TTLL5: variants seen among roughly 807,000 people sequenced by gnomAD.
TTLL5 encodes tubulin tyrosine ligase like 5.
Under a neutral mutation model 168.4 loss-of-function variants are expected in TTLL5, and 132 were observed. The ratio of observed to expected loss-of-function variants is 0.78; its 90% CI spans 0.68 to 0.91. TTLL5 has a LOEUF of 0.91. Among genes scored for constraint, TTLL5 ranks in the 40% least tolerant of loss-of-function variants. TTLL5 has a pLI of 0.00. For synonymous variants in TTLL5, 546 were observed against 558.6 expected (o/e 0.98, Z 0.32); for missense variants, 1,545 against 1,581.5 (o/e 0.98, Z 0.39).
intron 28 of TTLL5, among the ~76,000 whole-genome samples, chr14:75,845,229 G>A (rs1279031916): frequency 1.3e-5 from 2 of 152,086 alleles, no homozygotes; most frequent in African/African-American, 4.8e-5. Flanking sequence ...TTAAAAAAGT[G>A]TACACCTATT....
chr14:75,930,047 G>A (rs1193967061), intron 31 of TTLL5, among the ~76,000 whole-genome samples: 1 of 152,234 alleles, frequency 6.6e-6, no homozygotes, highest in African/African-American at 2.4e-5. Flanking sequence ...GTACAGACTT[G>A]TAACTAGAGT....
intron 28 of TTLL5, among the ~76,000 whole-genome samples, chr14:75,821,536 C>T (rs925576091): frequency 1.3e-5 from 2 of 152,138 alleles, no homozygotes; most frequent in Admixed American, 6.5e-5. Context: ...AGGCATTGCT[C>T]CTACTGTAAA....
intron 27 of TTLL5, among the ~76,000 whole-genome samples, chr14:75,814,322 CGTT>C (rs951813443): frequency 2.6e-5 from 4 of 152,158 alleles, no homozygotes; most frequent in African/African-American, 9.7e-5. Context: ...TGTTGATCAT[CGTT>C]GTATATCAGG....
intron 26 of TTLL5, among the ~76,000 whole-genome samples, chr14:75,784,609 T>C (rs1892258938): frequency 6.6e-6 from 1 of 152,158 alleles, no homozygotes; most frequent in African/African-American, 2.4e-5. Flanking sequence ...ATAGCTAGAG[T>C]GGAATTGTTG....
chr14:75,731,538 A>C (rs1278565717), intron 12 of TTLL5, among the ~76,000 whole-genome samples: 1 of 152,122 alleles, frequency 6.6e-6, no homozygotes, highest in Non-Finnish European at 1.5e-5. Context: ...TCTGGGAAGA[A>C]CACTTGCTTC....
chr14:75,893,556 C>T (rs200833484), intron 30 of TTLL5, among the ~76,000 whole-genome samples: 13 of 152,064 alleles, frequency 8.5e-5, no homozygotes, highest in African/African-American at 3.1e-4. Context: ...CAGTGGCTCA[C>T]GCCTGTAATC....
chr14:75,678,064 A>G (rs1310559594), intron 3 of TTLL5, among the ~76,000 whole-genome samples: 1 of 152,234 alleles, frequency 6.6e-6, no homozygotes, highest in Non-Finnish European at 1.5e-5. Flanking sequence ...AATTGGGTTC[A>G]GTCCTTATTT....
intron 3 of TTLL5, among the ~76,000 whole-genome samples, chr14:75,672,233 T>C (rs1307894026): frequency 6.6e-6 from 1 of 152,150 alleles, no homozygotes; most frequent in African/African-American, 2.4e-5. Context: ...ATTGCTAGTA[T>C]TTTATTTTAT....
chr14:75,886,781 A>G (rs2032147234), intron 30 of TTLL5: 10 of 1,595,360 alleles, frequency 6.3e-6, no homozygotes, highest in Non-Finnish European at 8.5e-6. Flanking sequence ...ACAGCCTACA[A>G]ACAACTACAT....
At chr14:75,803,920 C>T (rs940109921) in intron 27 of TTLL5, among the ~76,000 whole-genome samples, 5 of 152,168 alleles carry the variant, frequency 3.3e-5, no homozygotes, top group Admixed American at 2.0e-4. Context: ...TGGCCCTCTC[C>T]GTGCAGGCAA....
intron 3 of TTLL5, among the ~76,000 whole-genome samples, chr14:75,673,750 A>G (rs913832569): frequency 1.3e-5 from 2 of 152,206 alleles, no homozygotes; most frequent in Non-Finnish European, 2.9e-5. Flanking sequence ...TTAATAAGTC[A>G]GGAGTTCAGA....
chr14:75,944,711 TGA>T (rs202115588), intron 31 of TTLL5, among the ~76,000 whole-genome samples: 120,069 of 151,874 alleles, frequency 0.79, 47,546 homozygotes, highest in Admixed American at 0.83. Flanking sequence ...AGGCAGTTGT[TGA>T]AACTGTCTCT....
At chr14:75,949,720 A>T (rs1473123182) in intron 31 of TTLL5, among the ~76,000 whole-genome samples, 1 of 151,882 alleles carries the variant, frequency 6.6e-6, no homozygotes, top group Admixed American at 6.6e-5. Flanking sequence ...CGTGGGGTGC[A>T]TGCCTATAGT....
intron 31 of TTLL5, chr14:75,906,580 T>C: frequency 1.0e-6 from 1 of 985,930 alleles, no homozygotes; most frequent in Non-Finnish European, 1.2e-6. Context: ...CCCAAGTTAT[T>C]TTCGCCACAT....
intron 29 of TTLL5, among the ~76,000 whole-genome samples, chr14:75,871,060 G>A (rs1261799370): frequency 6.6e-6 from 1 of 152,200 alleles, no homozygotes; most frequent in Non-Finnish European, 1.5e-5. Flanking sequence ...CTCCCAAAGT[G>A]CTGGGATTAC....
chr14:75,811,103 G>C (rs544622709), intron 27 of TTLL5, among the ~76,000 whole-genome samples: 2 of 151,030 alleles, frequency 1.3e-5, no homozygotes, highest in African/African-American at 4.9e-5. Flanking sequence ...CTGGAGGTAG[G>C]GGGTGGGAGG....
intron 5 of TTLL5, chr14:75,689,463 C>T (rs1566815242): frequency 6.6e-6 from 1 of 152,204 alleles, no homozygotes; most frequent in Non-Finnish European, 1.5e-5. Context: ...ACCAAGCAGT[C>T]CCACTTCTAG....
At chr14:75,872,303 C>T (rs2031100617) in intron 29 of TTLL5, among the ~76,000 whole-genome samples, 1 of 152,186 alleles carries the variant, frequency 6.6e-6, no homozygotes, top group African/African-American at 2.4e-5. Context: ...AAACTGGACA[C>T]ATTTCTACGT....
At chr14:75,780,494 C>T (rs988484319) in intron 24 of TTLL5, among the ~76,000 whole-genome samples, 9 of 152,118 alleles carry the variant, frequency 5.9e-5, no homozygotes, top group African/African-American at 2.2e-4. Context: ...CATTCTGTTA[C>T]AAACAAAGCT....
Sources: gnomAD v4.1 joint callset for allele counts (sites outside exome capture counted in the v4.1 genomes callset) on GRCh38, gnomAD v4.1.1 for gene constraint, MANE v1.5 for transcripts, NCBI Gene and HGNC (gene_info 2026-07-23, HGNC 2026-07-21) for gene names.